Variants in TRPM6 observed in about 807,000 individuals in gnomAD.
TRPM6 encodes transient receptor potential cation channel subfamily M member 6.
Under a neutral mutation model 247.6 loss-of-function variants are expected in TRPM6, and 111 were observed. The ratio of observed to expected loss-of-function variants is 0.45; its 90% CI spans 0.38 to 0.52. TRPM6 has a LOEUF of 0.52. Among genes scored for constraint, TRPM6 ranks in the 20% least tolerant of loss-of-function variants. The pLI is 0.00. For missense variants in TRPM6, 2,126 were observed against 2,421.5 expected (o/e 0.88, Z 2.56); for synonymous variants, 892 against 853.8 (o/e 1.04, Z -0.78).
At chr9:74,819,530 A>T (rs1012858063) in intron 9 of TRPM6, among the ~76,000 whole-genome samples, 28 of 152,174 alleles carry the variant, frequency 1.8e-4, no homozygotes, top group African/African-American at 3.4e-4. Flanking sequence ...TTAATTAAAT[A>T]AATTAATCTT....
chr9:74,783,781 C>A (rs997154451), intron 21 of TRPM6, among the ~76,000 whole-genome samples: 1 of 152,202 alleles, frequency 6.6e-6, no homozygotes, highest in Non-Finnish European at 1.5e-5. Flanking sequence ...TAGGAAAAAT[C>A]TTTGGAGTCC....
chr9:74,743,956 T>A, intron 32 of TRPM6, 139 bp downstream of exon 32: 1 of 839,524 alleles, frequency 1.2e-6, no homozygotes, highest in Non-Finnish European at 2.0e-6. Context: ...ATTGGAATGT[T>A]CTTCCCATCA....
At chr9:74,824,238 C>T (rs969688252) in intron 7 of TRPM6, among the ~76,000 whole-genome samples, 1 of 151,462 alleles carries the variant, frequency 6.6e-6, no homozygotes, top group Non-Finnish European at 1.5e-5. Context: ...GCAACCTCTG[C>T]CTCCTGGGTT....
intron 1 of TRPM6, among the ~76,000 whole-genome samples, chr9:74,862,262 A>G (rs1466247828): frequency 6.6e-6 from 1 of 152,180 alleles, no homozygotes; most frequent in Non-Finnish European, 1.5e-5. Flanking sequence ...AGAGAACCAA[A>G]TGTTTGTTGG....
intron 1 of TRPM6, among the ~76,000 whole-genome samples, chr9:74,869,203 G>T (rs1262659222): frequency 6.6e-6 from 1 of 152,078 alleles, no homozygotes; most frequent in Non-Finnish European, 1.5e-5. Context: ...ACAACAGTCA[G>T]GGCCGGCCTG....
chr9:74,848,950 G>A (rs1830196327), intron 3 of TRPM6, among the ~76,000 whole-genome samples: 1 of 152,156 alleles, frequency 6.6e-6, no homozygotes, highest in Non-Finnish European at 1.5e-5. Context: ...TTGAGTACAT[G>A]GTGGAGAAAT....
chr9:74,762,281 C>T lies in TRPM6; in HGVS notation c.4390G>A (p.Gly1464Ser), dbSNP rs1169981563. 6.2e-7 allele frequency: 1 copy of T among 1,614,192 alleles called. No homozygotes were observed. The highest frequency in any genetic ancestry group is 1.7e-5 in the Admixed American group (1 of 60,020). ...NWAFSEGDETGVFSIKKKWQT... is the reference protein window; with the variant it reads ...NWAFSEGDETSVFSIKKKWQT... ...CACTTTTTCTTGATGCTAAACACAC[C>T]AGTTTCATCACCTTCTGAAAATGCC... The change falls in exon 26 of 39, where the codon GGT becomes AGT. Residue 1464 changes from glycine to serine, a missense_variant. Physicochemically the swap from Gly to Ser is moderately conservative, Grantham distance 56. Around this residue, in one of 3 missense-constraint regions of TRPM6, gnomAD observed 717 missense variants for 715.9 expected, o/e 1.00. Transcript: ENST00000360774.
intron 19 of TRPM6, among the ~76,000 whole-genome samples, chr9:74,790,681 C>G (rs1480892852): frequency 6.6e-6 from 1 of 152,142 alleles, no homozygotes; most frequent in Non-Finnish European, 1.5e-5. Flanking sequence ...TCAGTAAAAT[C>G]GAATTGAATG....
chr9:74,744,741 G>A (rs981365348), intron 31 of TRPM6, among the ~76,000 whole-genome samples: 1 of 152,102 alleles, frequency 6.6e-6, no homozygotes, highest in African/African-American at 2.4e-5. Context: ...AAATTACAAG[G>A]CTCTAGAGAA....
intron 23 of TRPM6, among the ~76,000 whole-genome samples, chr9:74,777,750 A>G (rs749540476): frequency 7.2e-5 from 11 of 152,120 alleles, no homozygotes; most frequent in Non-Finnish European, 1.2e-4. Flanking sequence ...CAGAAAATAG[A>G]CGTAGCTGCC....
At chr9:74,727,381 CA>C (rs763828073) in intron 38 of TRPM6, among the ~76,000 whole-genome samples, 1,855 of 52,260 alleles carry the variant, frequency 0.035, 9 homozygotes, top group South Asian at 0.07. Context: ...GACTCCGTCT[CA>C]AAAAAAAAAA....
At chr9:74,761,852 G>T (rs756974766) in intron 26 of TRPM6, 44 bp from the exon 27 acceptor site, 16 of 1,520,384 alleles carry the variant, frequency 1.1e-5, no homozygotes, top group Admixed American at 6.7e-5. Flanking sequence ...AACAGTAAGT[G>T]GGGAACATTT....
chr9:74,826,221 T>A (rs4745361), intron 7 of TRPM6, among the ~76,000 whole-genome samples: 2 of 152,164 alleles, frequency 1.3e-5, no homozygotes, highest in Non-Finnish European at 2.9e-5. Context: ...TAGATAGTTC[T>A]TTTCATTTTA....
chr9:74,803,670 T>A lies in TRPM6; in HGVS notation c.1731+124A>T, dbSNP rs1828424622. 3.2e-5 allele frequency: 25 copies of A among 784,876 alleles called. No individual in the cohort carries two copies. The South Asian group carries it at 3.4e-4, about 11-fold the overall frequency. 48.6% of individuals were successfully genotyped at this position (784,876 alleles called of 1,614,324 possible). On this transcript the variant is annotated intron_variant, in intron 15 of 38. Transcript: ENST00000360774. ...TGTGTTATGCTTTTGACTTGCACCA[T>A]CTGTTTATGGCACTTATAAATGGTC...
chr9:74,846,362 C>G (rs1830108128), intron 3 of TRPM6, among the ~76,000 whole-genome samples: 1 of 152,038 alleles, frequency 6.6e-6, no homozygotes, highest in South Asian at 2.1e-4. Flanking sequence ...CATTTATGTA[C>G]CTCCTTTGCA....
chr9:74,782,724 G>A lies in TRPM6; in HGVS notation c.3049C>T (p.Pro1017Ser), dbSNP rs773157692. The change falls in exon 22 of 39, where the codon CCA becomes TCA. Residue 1017 changes from proline to serine, a missense_variant. By Grantham distance (74) the Pro-to-Ser change is moderately conservative. Around this residue, in one of 3 missense-constraint regions of TRPM6, gnomAD observed 1,082 missense variants for 1,307.9 expected, o/e 0.83. Coordinates refer to ENST00000360774, the MANE Select transcript of TRPM6 (RefSeq NM_017662.5). ...ACTTCTCCGTATATCATCCAGTATGGCTCAAATACAATATCTCGAGCTAGA... is the reference window on the plus strand; with the variant it reads ...ACTTCTCCGTATATCATCCAGTATGACTCAAATACAATATCTCGAGCTAGA... ...WSLARDIVFE[P>S]YWMIYGEVYA... 1.1e-5 allele frequency: 17 copies of A among 1,613,922 alleles called. No individual in the cohort carries two copies. In the Admixed American group the frequency reaches 2.5e-4, roughly 24 times the overall value.
chr9:74,796,608 G>C lies in TRPM6; in HGVS notation c.2391+133C>G, dbSNP rs1828108386. On this transcript the variant is annotated intron_variant, in intron 18 of 38. Transcript: ENST00000360774. Reference sequence around the variant, plus strand: ...AAAATAATGTACCCCAGGACCATATGTCATCACAGGCCTGAAATATAGGCA... The same window carrying C: ...AAAATAATGTACCCCAGGACCATATCTCATCACAGGCCTGAAATATAGGCA... 7.0e-6 allele frequency: 6 copies of C among 859,088 alleles called. No individual in the cohort carries two copies. In the South Asian group the frequency reaches 7.2e-5, roughly 10 times the overall value. 53.2% of individuals were successfully genotyped at this position (859,088 alleles called of 1,614,324 possible). A position where few individuals can be genotyped will look rare whatever the true frequency, so the allele number is the denominator to read the frequency against.
chr9:74,871,309 C>T (rs1417499487), intron 1 of TRPM6, among the ~76,000 whole-genome samples: 3 of 152,154 alleles, frequency 2.0e-5, no homozygotes, highest in Non-Finnish European at 4.4e-5. Context: ...AAGTTAACCT[C>T]TATTACAGTT....
chr9:74,870,133 C>T (rs540894654), intron 1 of TRPM6, among the ~76,000 whole-genome samples: 9 of 152,128 alleles, frequency 5.9e-5, no homozygotes, highest in African/African-American at 9.6e-5. Context: ...GTAGGTTCTA[C>T]GGATCACAAA....
Sources: allele counts gnomAD v4.1 joint callset (sites outside exome capture counted in the v4.1 genomes callset), GRCh38; gene constraint gnomAD v4.1.1; regional missense constraint gnomAD v4.1.1; transcripts MANE v1.5; gene names NCBI Gene and HGNC (gene_info 2026-07-23, HGNC 2026-07-21).